Variants in GRIK4 observed in about 807,000 individuals in gnomAD.
The protein encoded by GRIK4 is glutamate ionotropic receptor kainate type subunit 4, also known as glutamate receptor ionotropic, kainate 4.
A neutral mutation model predicts 104.9 loss-of-function variants in GRIK4; 40 were observed. The observed-to-expected ratio is 0.38, with a 90% CI of 0.30 to 0.50. The LOEUF (loss-of-function observed/expected upper bound fraction) is 0.50, where lower values mean the gene tolerates loss of function less well. Among genes scored for constraint, GRIK4 ranks in the 20% least tolerant of loss-of-function variants. GRIK4 has a pLI of 0.93. For synonymous variants in GRIK4, 485 were observed against 524.9 expected (o/e 0.92, Z 1.04); for missense variants, 1,047 against 1,308.1 (o/e 0.80, Z 3.08).
At chr11:120,682,601 T>C (rs1950213581) in intron 3 of GRIK4, among the ~76,000 whole-genome samples, 1 of 151,980 alleles carries the variant, frequency 6.6e-6, no homozygotes, top group East Asian at 1.9e-4. Flanking sequence ...CTTTTTTTTT[T>C]TTTTTTCCCA....
chr11:120,678,326 G>A (rs1950133554), intron 3 of GRIK4, among the ~76,000 whole-genome samples: 1 of 152,214 alleles, frequency 6.6e-6, no homozygotes, highest in South Asian at 2.1e-4. Flanking sequence ...GCACCGTTAG[G>A]TTAAAATTGA....
intron 1 of GRIK4, among the ~76,000 whole-genome samples, chr11:120,563,413 G>A (rs1448673664): frequency 6.6e-6 from 1 of 152,176 alleles, no homozygotes; most frequent in Non-Finnish European, 1.5e-5. Context: ...TGTAAAAAGA[G>A]AGAAACAATC....
rs565977797 is a variant in GRIK4, at chr11:120,847,217, G to A, written c.744+10373G>A. The stretch of plus-strand genomic sequence containing the variant: ...TGGCCAGGCTCTCACAGTGAGTCAG[G>A]AGTAGAGAGAGGAGGTCTCCTCACT... On this transcript the variant is annotated intron_variant, in intron 8 of 20. Transcript: ENST00000527524. 4.6e-5 allele frequency among the ~76,000 whole-genome samples: 7 copies of A among 152,194 alleles called. No homozygotes were observed. The South Asian group carries it at 8.3e-4, about 18-fold the overall frequency.
intron 3 of GRIK4, among the ~76,000 whole-genome samples, chr11:120,765,992 C>A (rs1468703885): frequency 6.6e-6 from 1 of 152,216 alleles, no homozygotes; most frequent in Non-Finnish European, 1.5e-5. Context: ...GCTGGGAGAT[C>A]CACTGCTCTC....
intron 4 of GRIK4, among the ~76,000 whole-genome samples, chr11:120,808,388 C>T (rs188424639): frequency 1.0e-3 from 158 of 152,352 alleles, no homozygotes; most frequent in Admixed American, 1.7e-3. Context: ...AGTGACTCCT[C>T]CCTCTCAGGG....
intron 9 of GRIK4, chr11:120,867,832 A>G (rs923540453): frequency 1.3e-5 from 2 of 152,152 alleles, no homozygotes; most frequent in Admixed American, 6.5e-5. Context: ...CTAGCTTCAC[A>G]CGCCGTTCCC....
intron 1 of GRIK4, among the ~76,000 whole-genome samples, chr11:120,519,979 G>A (rs1264307735): frequency 3.4e-5 from 5 of 148,408 alleles, no homozygotes; most frequent in African/African-American, 1.0e-4. Context: ...TGCAACCTCC[G>A]CCTCCTGGGT....
intron 4 of GRIK4, among the ~76,000 whole-genome samples, chr11:120,804,434 A>G (rs1465706131): frequency 2.0e-5 from 3 of 152,150 alleles, no homozygotes; most frequent in Non-Finnish European, 4.4e-5. Flanking sequence ...GTGGCTCTGG[A>G]GACTCCCCAG....
At chr11:120,686,580 C>T (rs140924326) in intron 3 of GRIK4, among the ~76,000 whole-genome samples, 23 of 152,324 alleles carry the variant, frequency 1.5e-4, no homozygotes, top group African/African-American at 4.6e-4. Flanking sequence ...GGCTGCATCA[C>T]GTCTATATGT....
chr11:120,931,651 G>A (rs561069397), intron 13 of GRIK4, among the ~76,000 whole-genome samples: 1 of 152,242 alleles, frequency 6.6e-6, no homozygotes, highest in African/African-American at 2.4e-5. Flanking sequence ...TGTTAAATAA[G>A]GATAATAATA....
chr11:120,914,667 G>A (rs1322439771), intron 13 of GRIK4, among the ~76,000 whole-genome samples: 1 of 152,152 alleles, frequency 6.6e-6, no homozygotes, highest in Non-Finnish European at 1.5e-5. Context: ...GAACAGGGCT[G>A]TAGGCAGGGG....
chr11:120,728,993 C>G (rs1274696996), intron 3 of GRIK4, among the ~76,000 whole-genome samples: 1 of 152,188 alleles, frequency 6.6e-6, no homozygotes, highest in African/African-American at 2.4e-5. Flanking sequence ...TTAGATCCCA[C>G]AAACAAGTGA....
At chr11:120,713,228 G>A (rs1317390762) in intron 3 of GRIK4, among the ~76,000 whole-genome samples, 2 of 152,216 alleles carry the variant, frequency 1.3e-5, no homozygotes, top group African/African-American at 2.4e-5. Context: ...TTGAATCCAA[G>A]ATTTCACTGG....
At chr11:120,550,435 TATC>T (rs946257524) in intron 1 of GRIK4, among the ~76,000 whole-genome samples, 95 of 152,118 alleles carry the variant, frequency 6.2e-4, no homozygotes, top group African/African-American at 2.0e-3. Context: ...AGCAGTTGGA[TATC>T]ATCAGTCTCT....
chr11:120,938,530 A>T (rs905498955), intron 13 of GRIK4, among the ~76,000 whole-genome samples: 1 of 152,162 alleles, frequency 6.6e-6, no homozygotes, highest in Admixed American at 6.5e-5. Flanking sequence ...TGGAGAAGAA[A>T]CTGATCTTTG....
intron 3 of GRIK4, among the ~76,000 whole-genome samples, chr11:120,789,491 T>C (rs1380025296): frequency 6.6e-6 from 1 of 152,108 alleles, no homozygotes; most frequent in African/African-American, 2.4e-5. Flanking sequence ...TCATTTCTCT[T>C]TCCTGGACTA....
At chr11:120,754,112 C>A (rs1204602119) in intron 3 of GRIK4, among the ~76,000 whole-genome samples, 1 of 152,160 alleles carries the variant, frequency 6.6e-6, no homozygotes, top group Non-Finnish European at 1.5e-5. Context: ...CTCATTGCAA[C>A]CTCCACTTCC....
intron 1 of GRIK4, among the ~76,000 whole-genome samples, chr11:120,542,203 G>A (rs1395517664): frequency 1.3e-5 from 2 of 152,228 alleles, no homozygotes; most frequent in African/African-American, 4.8e-5. Flanking sequence ...ACACAGTGAA[G>A]AAGGACAGTC....
chr11:120,937,050 G>A (rs1215608557), intron 13 of GRIK4, among the ~76,000 whole-genome samples: 1 of 151,672 alleles, frequency 6.6e-6, no homozygotes, highest in Non-Finnish European at 1.5e-5. Flanking sequence ...TTTTTGTTTT[G>A]TTTTTAAGAT....
Sources: gnomAD v4.1 joint callset for allele counts (sites outside exome capture counted in the v4.1 genomes callset) on GRCh38, gnomAD v4.1.1 for gene constraint, MANE v1.5 for transcripts, NCBI Gene and HGNC (gene_info 2026-07-23, HGNC 2026-07-21) for gene names.